Variants in POFUT1 observed in about 807,000 individuals in gnomAD.
POFUT1 encodes the protein protein O-fucosyltransferase 1, also known as GDP-fucose protein O-fucosyltransferase 1.
Under a neutral mutation model 42.4 loss-of-function variants are expected in POFUT1, and 16 were observed. That is an observed-to-expected ratio of 0.38 (90% CI 0.26 to 0.57). The LOEUF (loss-of-function observed/expected upper bound fraction) is 0.57. Ranked by LOEUF, POFUT1 falls within the 20% of genes least tolerant of loss-of-function variation. POFUT1 has a pLI of 0.71. For missense variants in POFUT1, 470 were observed against 504.6 expected (o/e 0.93, Z 0.66); for synonymous variants, 206 against 205.4 (o/e 1.00, Z -0.03).
intron 2 of POFUT1, among the ~76,000 whole-genome samples, chr20:32,212,514 C>T (rs2047335046): frequency 6.6e-6 from 1 of 152,176 alleles, no homozygotes; most frequent in South Asian, 2.1e-4. Flanking sequence ...AGTCCTCCTG[C>T]CTCAGCCTCC....
rs1167722945 is a variant in POFUT1 at position 32,235,849 on chromosome 20, C to T, written c.*1188C>T. 6.6e-6 allele frequency: 1 copy of T among 152,264 alleles called. No homozygotes were observed. Among genetic ancestry groups the T allele is most frequent in the Non-Finnish European group, 1.5e-5 (1 of 68,070 alleles). The allele number at this position is 152,264 out of a possible 1,614,324, so 9.4% of individuals were successfully genotyped here. On this transcript the variant is annotated 3_prime_UTR_variant, in exon 7 of 7. Transcript: ENST00000375749. ...AGATCTTTTCCTTGCCATGTCACCTCCCTTGGCCTTTGATCCTGGAAAGGT... is the reference window on the plus strand; with the variant it reads ...AGATCTTTTCCTTGCCATGTCACCTTCCTTGGCCTTTGATCCTGGAAAGGT...
intron 5 of POFUT1, among the ~76,000 whole-genome samples, chr20:32,229,842 A>G (rs1315625759): frequency 1.3e-5 from 2 of 149,740 alleles, no homozygotes; most frequent in African/African-American, 2.5e-5. Flanking sequence ...AAGCAAAATC[A>G]CAGTTCACCG....
rs368226337 is a variant in POFUT1, at chr20:32,217,091, C to G, written c.542+370C>G. On this transcript the variant is annotated intron_variant, in intron 4 of 6. Transcript: ENST00000375749. ...CTAGAGAACAGCTTCAGGTGCAGAC[C>G]GAGAAATGACGTCATCCTGATAATT... 3.1e-6 allele frequency: 5 copies of G among 1,608,106 alleles called. No individual in the cohort carries two copies. The East Asian group carries it at 1.1e-4, about 36-fold the overall frequency.
chr20:32,218,312 T>A (rs1427203719), intron 4 of POFUT1, among the ~76,000 whole-genome samples: 1 of 152,096 alleles, frequency 6.6e-6, no homozygotes, highest in Non-Finnish European at 1.5e-5. Flanking sequence ...AATATTTTGT[T>A]TTGTTTTGTA....
chr20:32,228,540 C>A, intron 5 of POFUT1, 85 bp downstream of exon 5: 2 of 1,134,258 alleles, frequency 1.8e-6, no homozygotes, highest in East Asian at 5.0e-5. Context: ...CCCCGCGTCC[C>A]AGCCAGAGCA....
chr20:32,221,606 T>C (rs1222894907), intron 4 of POFUT1, among the ~76,000 whole-genome samples: 1 of 151,700 alleles, frequency 6.6e-6, no homozygotes, highest in Non-Finnish European at 1.5e-5. Context: ...TCCAGTTACT[T>C]GGGAGGCTGA....
intron 5 of POFUT1, among the ~76,000 whole-genome samples, 169 bp downstream of exon 5, chr20:32,228,624 C>A (rs2047427158): frequency 6.6e-6 from 1 of 152,222 alleles, no homozygotes; most frequent in Non-Finnish European, 1.5e-5. Context: ...AAATGTAACT[C>A]CAGAGTGCCT....
At chr20:32,226,303 A>G (rs1324090528) in intron 4 of POFUT1, among the ~76,000 whole-genome samples, 1 of 152,004 alleles carries the variant, frequency 6.6e-6, no homozygotes, top group East Asian at 1.9e-4. Flanking sequence ...TAAGACAGCA[A>G]CCTCCCATGT....
intron 4 of POFUT1, chr20:32,223,427 G>A (rs1046450562): frequency 2.9e-5 from 29 of 985,300 alleles, no homozygotes; most frequent in Non-Finnish European, 3.4e-5. Flanking sequence ...TCCAGATCCA[G>A]GTAGAGGGGA....
chr20:32,226,708 T>C (rs949024998), intron 4 of POFUT1, among the ~76,000 whole-genome samples: 2 of 152,198 alleles, frequency 1.3e-5, no homozygotes, highest in East Asian at 3.8e-4. Flanking sequence ...ACCTTTGAGA[T>C]TGCCCACCCT....
intron 4 of POFUT1, among the ~76,000 whole-genome samples, chr20:32,220,004 G>A (rs771708674): frequency 5.3e-5 from 8 of 152,128 alleles, no homozygotes; most frequent in Non-Finnish European, 7.4e-5. Flanking sequence ...TTCTGTCTTT[G>A]AATTTCTCTA....
At chr20:32,226,822 A>G (rs1287300356) in intron 4 of POFUT1, among the ~76,000 whole-genome samples, 1 of 152,160 alleles carries the variant, frequency 6.6e-6, no homozygotes, top group Non-Finnish European at 1.5e-5. Context: ...ACAGAGGTAC[A>G]GCAGTTTGTT....
chr20:32,223,498 G>T (rs1441534467), intron 4 of POFUT1: 11 of 985,274 alleles, frequency 1.1e-5, no homozygotes, highest in South Asian at 4.7e-5. Context: ...AAGAGGTCGG[G>T]GGGTGGCAGG....
At chr20:32,223,208 A>G in intron 4 of POFUT1, 1 of 985,464 alleles carries the variant, frequency 1.0e-6, no homozygotes, top group Non-Finnish European at 1.2e-6. Context: ...CTGGATAGCA[A>G]GAGGCAAAGG....
intron 5 of POFUT1, among the ~76,000 whole-genome samples, chr20:32,230,551 C>T (rs1241655957): frequency 1.3e-5 from 2 of 148,756 alleles, no homozygotes; most frequent in South Asian, 2.1e-4. Flanking sequence ...AAAAAGTAGC[C>T]GGGCATGGTG....
chr20:32,232,025 G>A (rs973438975), intron 6 of POFUT1, among the ~76,000 whole-genome samples: 3 of 152,190 alleles, frequency 2.0e-5, no homozygotes, highest in Non-Finnish European at 2.9e-5. Flanking sequence ...AGTGAAAACC[G>A]TAAATGCTGT....
chr20:32,223,476 C>T (rs1177197848), intron 4 of POFUT1: 1 of 985,398 alleles, frequency 1.0e-6, no homozygotes, highest in Non-Finnish European at 1.2e-6. Flanking sequence ...AGGTTGGCTG[C>T]AGGTGCTTTC....
intron 6 of POFUT1, among the ~76,000 whole-genome samples, chr20:32,231,787 T>C (rs2047445076): frequency 6.6e-6 from 1 of 152,242 alleles, no homozygotes; most frequent in South Asian, 2.1e-4. Flanking sequence ...AAGTTAGCTA[T>C]CATCAGTAGT....
At chr20:32,227,765 A>G (rs1227454334) in intron 4 of POFUT1, among the ~76,000 whole-genome samples, 1 of 152,190 alleles carries the variant, frequency 6.6e-6, no homozygotes, top group Non-Finnish European at 1.5e-5. Flanking sequence ...CCAGGTCCCA[A>G]TACATAGTAG....
Sources: allele counts gnomAD v4.1 joint callset (sites outside exome capture counted in the v4.1 genomes callset), GRCh38; gene constraint gnomAD v4.1.1; transcripts MANE v1.5; gene names NCBI Gene and HGNC (gene_info 2026-07-23, HGNC 2026-07-21).